Variants in RYR1 observed in about 807,000 individuals in gnomAD.
The protein encoded by RYR1 is ryanodine receptor 1.
RYR1 carries 342 observed loss-of-function variants against 583.5 expected under a neutral mutation model. That is an observed-to-expected ratio of 0.59 (90% CI 0.54 to 0.64). RYR1 has a LOEUF of 0.64. Ranked by LOEUF, RYR1 falls within the 30% of genes least tolerant of loss-of-function variation. The pLI is 0.00. For missense variants in RYR1, 6,032 were observed against 6,917.2 expected, an observed-to-expected ratio of 0.87 and a Z score of 4.54; for synonymous variants, 2,791 against 2,822.5, an observed-to-expected ratio of 0.99 and a Z score of 0.35.
Position 38,499,091 on chromosome 19 carries a change from G to A in RYR1, c.6892-17G>A. On this transcript the variant is annotated splice_polypyrimidine_tract_variant and intron_variant, in intron 42 of 105. Transcript: ENST00000359596. This position sits in a 1 kb window ranked among gnomAD's most constrained non-coding sequence, Gnocchi z 7.3. ...TGGCATGGGTCTGGTCTCTGACTGA[G>A]CCCCTTCTGCCCCCAGGTTGTGTCC... 2 of 1,613,638 alleles carry A rather than the reference G, an allele frequency of 1.2e-6. No homozygotes were observed.
chr19:38,467,580 C>T, intron 24 of RYR1, 30 bp from the exon 25 acceptor site: 1 of 1,612,356 alleles, frequency 6.2e-7, no homozygotes, highest in African/African-American at 1.3e-5. Context: ...CTTCCCTAGC[C>T]TCTCTGACTC....
chr19:38,456,546 T>C (rs996434394), intron 16 of RYR1, among the ~76,000 whole-genome samples: 5 of 151,282 alleles, frequency 3.3e-5, no homozygotes, highest in Admixed American at 1.3e-4. Flanking sequence ...CCTCCCAAAG[T>C]GCTGGGATTA....
At chr19:38,452,039 A>G (rs1967101484) in intron 12 of RYR1, among the ~76,000 whole-genome samples, 154 bp downstream of exon 12, 1 of 150,316 alleles carries the variant, frequency 6.7e-6, no homozygotes, top group African/African-American at 2.5e-5. Context: ...CTGTAATCCC[A>G]AGACTTTGGG....
At chr19:38,550,151 T>C (rs1972606607) in intron 89 of RYR1, among the ~76,000 whole-genome samples, 1 of 152,118 alleles carries the variant, frequency 6.6e-6, no homozygotes, top group Non-Finnish European at 1.5e-5. Context: ...ATCAGGAAAT[T>C]AACATTGGCA....
chr19:38,464,326 A>C (rs1033080304), intron 22 of RYR1, among the ~76,000 whole-genome samples: 7 of 151,234 alleles, frequency 4.6e-5, no homozygotes, highest in Admixed American at 1.3e-4. Context: ...AACGGGGAGC[A>C]AGAAAGGGAC....
chr19:38,536,825 GTCCACCCC>G (rs1971992190), intron 83 of RYR1, 58 bp downstream of exon 83: 1 of 1,559,618 alleles, frequency 6.4e-7, no homozygotes, highest in South Asian at 1.1e-5. Flanking sequence ...TCCTAACCCC[GTCCACCCC>G]TCCACCTAGG....
At position 38,486,063 on chromosome 19, in the gene RYR1, C is replaced by T. The variant is rs778017724; in HGVS notation, c.5408C>T (p.Pro1803Leu). The change falls in exon 34 of 106, where the codon CCG (proline) becomes CTG (leucine). Residue 1803 changes from proline (P) to leucine (L), a missense_variant. Physicochemically the swap from Pro to Leu is moderately conservative, Grantham distance 98. Transcript: ENST00000359596. ...EAPARLSPAI[P>L]LEALRDKALR... The stretch of plus-strand genomic sequence containing the variant: ...CCGGCCCGCCTCAGCCCTGCCATCC[C>T]GCTGGAGGCCCTGCGGGACAAGGCA... 1.9e-6 allele frequency: 3 copies of T among 1,612,444 alleles called. No individual in the cohort carries two copies. Among genetic ancestry groups the T allele is most frequent in the Admixed American group, 1.7e-5 (1 of 59,930 alleles).
Position 38,496,166 on chromosome 19 carries a change from T to G in RYR1, c.6549-49T>G. ...GCTGTCACAGTGGTGGCTATGGCCC[T>G]CTCCGGACCTGGGCCCCTGGTGACC... is the stretch of plus-strand genomic sequence containing the variant. On this transcript the variant is annotated intron_variant, in intron 39 of 105. Coordinates refer to ENST00000359596, the MANE Select transcript of RYR1 (RefSeq NM_000540.3). This position sits in a 1 kb window ranked among gnomAD's most constrained non-coding sequence, Gnocchi z 4.8. 6.7e-7 allele frequency: 1 copy of G among 1,500,366 alleles called. No homozygotes were observed. Among genetic ancestry groups the G allele is most frequent in the Non-Finnish European group, 9.3e-7 (1 of 1,080,642 alleles). 92.9% of individuals were successfully genotyped at this position (1,500,366 alleles called of 1,614,324 possible). A position where few individuals can be genotyped will look rare whatever the true frequency, so the allele number is the denominator to read the frequency against.
At chr19:38,528,460 G>T in intron 74 of RYR1, 42 bp downstream of exon 74, 1 of 1,607,506 alleles carries the variant, frequency 6.2e-7, no homozygotes, top group Non-Finnish European at 8.5e-7. Flanking sequence ...GGGCTGCGGA[G>T]AAAGGGTGGC....
intron 101 of RYR1, among the ~76,000 whole-genome samples, chr19:38,582,914 G>C (rs142134147): frequency 6.3e-4 from 96 of 152,200 alleles, no homozygotes; most frequent in African/African-American, 2.3e-3. Flanking sequence ...ACACGGCCTC[G>C]CTGCCCACAG....
intron 88 of RYR1, among the ~76,000 whole-genome samples, chr19:38,547,343 G>T (rs565163729): frequency 6.6e-6 from 1 of 151,588 alleles, no homozygotes; most frequent in African/African-American, 2.4e-5. Context: ...GAGCCACTGC[G>T]CCCAGCCTAC....
intron 89 of RYR1, among the ~76,000 whole-genome samples, chr19:38,556,879 CGAG>C: frequency 6.6e-6 from 1 of 151,994 alleles, no homozygotes; most frequent in South Asian, 2.1e-4. Context: ...AGCCAAAGTT[CGAG>C]CAGATTCAGA....
Position 38,505,417 on chromosome 19 carries a change from C to A in RYR1, c.8400+19C>A, listed in dbSNP as rs772538528. The A allele has an allele frequency of 1.3e-6, 2 of 1,563,346 alleles. No homozygotes were observed. Among genetic ancestry groups the A allele is most frequent in the Non-Finnish European group, 8.8e-7 (1 of 1,141,100 alleles). On this transcript the variant is annotated intron_variant, in intron 53 of 105. Coordinates refer to ENST00000359596, the MANE Select transcript of RYR1 (RefSeq NM_000540.3). ...AGAGAAGGTGACCAGGCCTTGGGGC[C>A]CAGCATTGAGGGTCAAAATGAAACC...
chr19:38,523,566 A>C (rs1971319961), intron 69 of RYR1: 1 of 597,958 alleles, frequency 1.7e-6, no homozygotes, highest in African/African-American at 1.9e-5. Context: ...CTCCTCCTGT[A>C]TCTTCTCCCT....
chr19:38,463,285 G>C lies in RYR1; in HGVS notation c.2578-138G>C, dbSNP rs1236700681. On this transcript the variant is annotated intron_variant, in intron 20 of 105. Transcript: ENST00000359596. ...AACCCTGGAGTCAAGGCGAGGGATG[G>C]GGAGCAGGGCTGCTGGATGGTGGGA... 3 of 711,244 alleles carry C rather than the reference G, an allele frequency of 4.2e-6. No individual in the cohort carries two copies. The Admixed American group carries it at 6.1e-5, about 14-fold the overall frequency. 44.1% of individuals were successfully genotyped at this position (711,244 alleles called of 1,614,324 possible). A position where few individuals can be genotyped will look rare whatever the true frequency, so the allele number is the denominator to read the frequency against.
Position 38,580,387 on chromosome 19 carries a change from C to T in RYR1, c.14529C>T (p.Gly4843=). ...HNGKQLVMTV[G]LLAVVVYLYT... is the part of the protein sequence containing the mutation. ...GCCCCCAGCTGGTGATGACCGTGGG[C>T]CTTCTGGCGGTGGTCGTCTACCTGT... The change falls in exon 101 of 106, where the codon GGC becomes GGT. Residue 4843 remains glycine (G), a synonymous_variant. Transcript: ENST00000359596. 1 of 1,614,114 alleles carries T rather than the reference C, an allele frequency of 6.2e-7. No homozygotes were observed. The highest frequency in any genetic ancestry group is 1.3e-5 in the African/African-American group (1 of 75,034).
In RYR1 at chr19:38,494,634, C is replaced by T. The variant is rs562469984; in HGVS notation, c.6548+9C>T. Reference sequence around the variant, plus strand: ...ATGATCCAGAGCATCGGGTGAGACACCGCCCTTCCCCCTTACTTTGCATAT... The same window carrying T: ...ATGATCCAGAGCATCGGGTGAGACATCGCCCTTCCCCCTTACTTTGCATAT... On this transcript the variant is annotated intron_variant, in intron 39 of 105. Coordinates refer to ENST00000359596, the MANE Select transcript of RYR1 (RefSeq NM_000540.3). 1.1e-5 allele frequency: 17 copies of T among 1,613,892 alleles called. No individual in the cohort carries two copies. The highest frequency in any genetic ancestry group is 1.3e-5 in the African/African-American group (1 of 74,948).
At chr19:38,545,308 G>A (rs1287110756) in intron 87 of RYR1, among the ~76,000 whole-genome samples, 1 of 152,160 alleles carries the variant, frequency 6.6e-6, no homozygotes, top group Non-Finnish European at 1.5e-5. Flanking sequence ...TCATGGGTAG[G>A]CACAAACCAC....
intron 58 of RYR1, among the ~76,000 whole-genome samples, chr19:38,510,129 T>C (rs1476947114): frequency 6.6e-6 from 1 of 152,152 alleles, no homozygotes; most frequent in Non-Finnish European, 1.5e-5. Context: ...GAGACCAGCC[T>C]GGACAACATG....
Sources: allele counts gnomAD v4.1 joint callset (sites outside exome capture counted in the v4.1 genomes callset), GRCh38; gene constraint gnomAD v4.1.1; non-coding constraint Gnocchi (gnomAD v3.1); transcripts MANE v1.5; gene names NCBI Gene and HGNC (gene_info 2026-07-23, HGNC 2026-07-21).